Variants in DGKZ observed in about 807,000 individuals in gnomAD.
DGKZ encodes the protein DAG kinase zeta.
Under a neutral mutation model 142.5 loss-of-function variants are expected in DGKZ, and 45 were observed. That is an observed-to-expected ratio of 0.32 (90% CI 0.25 to 0.40). The LOEUF (loss-of-function observed/expected upper bound fraction) is 0.40, where lower values mean the gene tolerates loss of function less well. Among genes scored for constraint, DGKZ ranks in the 10% least tolerant of loss-of-function variants. DGKZ has a pLI of 1.00. For missense variants in DGKZ, 755 were observed against 1,306.5 expected (o/e 0.58, Z 6.51); for synonymous variants, 442 against 527.0 (o/e 0.84, Z 2.21).
At position 46,374,715 on chromosome 11, in the gene DGKZ, G is replaced by A. The variant is rs1011938196; in HGVS notation, c.1524+49G>A. 10 of 1,611,076 alleles carry A rather than the reference G, an allele frequency of 6.2e-6. No individual in the cohort carries two copies. The Admixed American group carries it at 1.5e-4, about 24-fold the overall frequency. On this transcript the variant is annotated intron_variant, in intron 17 of 30. Transcript: ENST00000527911. ...GGTGGGTGGGCCGGAAGGGAGGGAG[G>A]CGGAGGCCACCTGGCACATGCACCT...
chr11:46,337,267 G>T (rs1228837629), intron 1 of DGKZ, among the ~76,000 whole-genome samples: 1 of 151,364 alleles, frequency 6.6e-6, no homozygotes, highest in Non-Finnish European at 1.5e-5. Context: ...ATCACCTGGG[G>T]GTCTCTTTTT....
At chr11:46,374,787 C>G (rs1944355288) in exon 18 of DGKZ, 1 of 1,611,126 alleles carries the variant, frequency 6.2e-7, no homozygotes, top group East Asian at 2.2e-5. Flanking sequence ...GGACTTGACT[C>G]CCAAGATCCA....
At position 46,347,910 on chromosome 11, in the gene DGKZ, G is replaced by A; in HGVS notation, c.161+90G>A. On this transcript the variant is annotated intron_variant, in intron 1 of 30. Transcript: ENST00000527911. This position sits in a 1 kb window ranked among gnomAD's most constrained non-coding sequence, Gnocchi z 6.4. ...ACATTCCTCGGCCACTGGGGGTCCGGGCCACTTCGGTACTGACACTGAGTC... is the reference window on the plus strand; with the variant it reads ...ACATTCCTCGGCCACTGGGGGTCCGAGCCACTTCGGTACTGACACTGAGTC... 1.6e-6 allele frequency: 2 copies of A among 1,260,918 alleles called. No homozygotes were observed. The highest frequency in any genetic ancestry group is 2.0e-6 in the Non-Finnish European group (2 of 1,000,442). The allele number at this position is 1,260,918 out of a possible 1,614,324, so 78.1% of individuals were successfully genotyped here.
At chr11:46,352,375 G>A (rs557239756) in intron 1 of DGKZ, among the ~76,000 whole-genome samples, 2 of 152,168 alleles carry the variant, frequency 1.3e-5, no homozygotes, top group Non-Finnish European at 2.9e-5. Context: ...ACAGGCCCAC[G>A]GGGACCCACA....
chr11:46,378,351 A>C lies in DGKZ; in HGVS notation c.2375-106A>C, dbSNP rs11038880. ...CACAGCCTTTGAGCTTCACGCACCA[A>C]CGGAGCCCTGGGCACACATGCCTGG... On this transcript the variant is annotated intron_variant, in intron 26 of 30. Transcript: ENST00000527911. 10,385 of 1,542,552 alleles carry C rather than the reference A, an allele frequency of 6.7e-3. 613 individuals carry two copies. The African/African-American group carries it at 0.12, about 18-fold the overall frequency.
intron 1 of DGKZ, among the ~76,000 whole-genome samples, chr11:46,340,787 C>T (rs918140797): frequency 6.6e-6 from 1 of 152,228 alleles, no homozygotes; most frequent in Non-Finnish European, 1.5e-5. Context: ...CTCTGGGTTG[C>T]TCCCAAAGGC....
upstream of DGKZ, among the ~76,000 whole-genome samples, chr11:46,343,442 A>G (rs185257694): frequency 5.9e-5 from 9 of 152,288 alleles, no homozygotes; most frequent in East Asian, 1.4e-3. Flanking sequence ...TGTTTACTGA[A>G]CTGAACTGAT....
rs994425793 is a variant in DGKZ, at chr11:46,365,692, A to G, written c.162-1599A>G. On this transcript the variant is annotated intron_variant, in intron 1 of 30. Transcript: ENST00000527911. ...ATTAAGTTCCTTTGCAGAGAGCCTC[A>G]TTTTGTTATAGCTTGGTTTGCTCCA... The G allele has an allele frequency of 5.1e-6, 5 of 985,280 alleles. No individual in the cohort carries two copies. The Admixed American group carries it at 3.1e-4, about 61-fold the overall frequency. The allele number at this position is 985,280 out of a possible 1,614,324, so 61.0% of individuals were successfully genotyped here.
intron 30 of DGKZ, 44 bp from the exon 31 acceptor site, chr11:46,379,787 G>A (rs780482521): frequency 6.4e-7 from 1 of 1,555,216 alleles, no homozygotes; most frequent in Non-Finnish European, 8.7e-7. Flanking sequence ...TAGGGGTTAG[G>A]CCTGCCTCTG....
chr11:46,370,598 C>T (rs1292716190), intron 6 of DGKZ, among the ~76,000 whole-genome samples: 1 of 152,124 alleles, frequency 6.6e-6, no homozygotes, highest in Non-Finnish European at 1.5e-5. Flanking sequence ...ATTTCTTTAA[C>T]AGCACATGGG....
rs1171031788 is a variant in DGKZ, at chr11:46,376,033, C to G, written c.2012-33C>G. ...CCCCCTTGGGCAGGGCTGTGGGGTG[C>G]AGCCAGCTGCTGACAGGTGCTCTGT... is the stretch of plus-strand genomic sequence containing the variant. On this transcript the variant is annotated intron_variant, in intron 21 of 30. Transcript: ENST00000527911. The G allele has an allele frequency of 3.7e-6, 6 of 1,611,834 alleles. No individual in the cohort carries two copies. The South Asian group carries it at 6.6e-5, about 18-fold the overall frequency.
At chr11:46,373,956 C>T (rs148707493) in intron 14 of DGKZ, among the ~76,000 whole-genome samples, 56 of 152,364 alleles carry the variant, frequency 3.7e-4, no homozygotes, top group Admixed American at 7.2e-4. Flanking sequence ...GCTGCAGGCA[C>T]GCAGGGAAAT....
rs568819504 is a variant in DGKZ at position 46,373,303 on chromosome 11, T to C, written c.1326+202T>C. Among the ~76,000 whole-genome samples the C allele has an allele frequency of 4.0e-4, 58 of 146,766 alleles. 1 individual carries two copies. The East Asian group carries it at 8.3e-3, about 21-fold the overall frequency. Reference sequence around the variant, plus strand: ...TTTTTTTGTTTTTTTTTTTTTTTTTTTGAGACTGAGTCTCGCTCTGTTACC... The same window carrying C: ...TTTTTTTGTTTTTTTTTTTTTTTTTCTGAGACTGAGTCTCGCTCTGTTACC... On this transcript the variant is annotated intron_variant, in intron 14 of 30. Coordinates refer to ENST00000527911, the Ensembl canonical transcript of DGKZ.
intron 24 of DGKZ, 49 bp downstream of exon 24, chr11:46,376,613 G>T (rs759278420): frequency 6.2e-7 from 1 of 1,610,814 alleles, no homozygotes; most frequent in Non-Finnish European, 8.5e-7. Flanking sequence ...CGGGCCCCAG[G>T]GTCGCCTCTC....
chr11:46,340,185 G>A (rs773995421), intron 1 of DGKZ, among the ~76,000 whole-genome samples: 11 of 152,238 alleles, frequency 7.2e-5, no homozygotes, highest in Non-Finnish European at 1.6e-4. Flanking sequence ...GCTTGCAAAG[G>A]CCTAGACTTT....
chr11:46,377,456 G>A (rs966777672), intron 25 of DGKZ: 4 of 659,590 alleles, frequency 6.1e-6, no homozygotes, highest in Non-Finnish European at 9.4e-6. Flanking sequence ...AGTCCTGGCA[G>A]CCCCCGGACC....
chr11:46,346,053 A>G (rs1042756893), upstream of DGKZ, among the ~76,000 whole-genome samples: 2 of 152,148 alleles, frequency 1.3e-5, no homozygotes, highest in Non-Finnish European at 2.9e-5. Flanking sequence ...CCCTGGCACC[A>G]GCTGCTGGCT....
In DGKZ at chr11:46,367,628, T is replaced by C; in HGVS notation, c.271-24T>C. 1 of 1,577,522 alleles carries C rather than the reference T, an allele frequency of 6.3e-7. No individual in the cohort carries two copies. Among genetic ancestry groups the C allele is most frequent in the Non-Finnish European group, 8.6e-7 (1 of 1,158,606 alleles). ...GGAGGGCTGGGCGGCCAGCGTGTGC[T>C]GAGCAAGCCCATCCCGTGGCTAGGA... On this transcript the variant is annotated intron_variant, in intron 2 of 30. Transcript: ENST00000527911. The surrounding 1 kb of genome is among the most constrained non-coding windows in gnomAD (Gnocchi z 4.1).
chr11:46,378,876 T>C, intron 27 of DGKZ, 115 bp from the exon 28 acceptor site: 1 of 1,436,280 alleles, frequency 7.0e-7, no homozygotes, highest in Non-Finnish European at 9.2e-7. Flanking sequence ...GTAAGATGTG[T>C]GAGCGCACTC....
Sources: allele counts gnomAD v4.1 joint callset (sites outside exome capture counted in the v4.1 genomes callset), GRCh38; gene constraint gnomAD v4.1.1; non-coding constraint Gnocchi (gnomAD v3.1); transcripts MANE v1.5; gene names NCBI Gene and HGNC (gene_info 2026-07-23, HGNC 2026-07-21).